The following NMNAT3 variants were observed in gnomAD, a reference collection of about 807,000 sequenced individuals.
NMNAT3 encodes nicotinamide nucleotide adenylyltransferase 3, also known as nicotinamide/nicotinic acid mononucleotide adenylyltransferase 3.
Under a neutral mutation model 24.8 loss-of-function variants are expected in NMNAT3, and 21 were observed. The ratio of observed to expected loss-of-function variants is 0.85; its 90% CI spans 0.60 to 1.22. The LOEUF (loss-of-function observed/expected upper bound fraction) is 1.22, where lower values mean the gene tolerates loss of function less well. Among genes scored for constraint, NMNAT3 ranks in the 50% most tolerant of loss-of-function variants. The pLI is 0.00. For missense variants in NMNAT3, 387 were observed against 436.6 expected (o/e 0.89, Z 1.01); for synonymous variants, 136 against 155.2 (o/e 0.88, Z 0.92).
intron 3 of NMNAT3, among the ~76,000 whole-genome samples, chr3:139,622,848 T>TATTA (rs374982919): frequency 4.4e-4 from 60 of 136,366 alleles, no homozygotes; most frequent in Non-Finnish European, 2.5e-4. Flanking sequence ...ATTATATATA[T>TATTA]TATATATATA....
chr3:139,564,469 C>T (rs1936875114), intron 6 of NMNAT3, among the ~76,000 whole-genome samples: 1 of 152,196 alleles, frequency 6.6e-6, no homozygotes, highest in Admixed American at 6.5e-5. Flanking sequence ...TTCCATCAGC[C>T]ATGGGTGGGC....
chr3:139,578,127 A>G (rs1381895150), intron 5 of NMNAT3, among the ~76,000 whole-genome samples: 2 of 152,190 alleles, frequency 1.3e-5, no homozygotes, highest in African/African-American at 4.8e-5. Flanking sequence ...CCCAACAGCC[A>G]GGAGAGGTGG....
At chr3:139,588,836 CAGA>C (rs1183915537) in intron 3 of NMNAT3, among the ~76,000 whole-genome samples, 8 of 152,162 alleles carry the variant, frequency 5.3e-5, no homozygotes, top group Non-Finnish European at 1.0e-4. Context: ...ATCTTTAAGA[CAGA>C]AGGATTAAGT....
intron 1 of NMNAT3, among the ~76,000 whole-genome samples, chr3:139,677,386 A>T (rs959299412): frequency 6.6e-6 from 1 of 152,184 alleles, no homozygotes; most frequent in African/African-American, 2.4e-5. Context: ...TTTGTTAGAC[A>T]CTGTGCTTAT....
chr3:139,560,671 T>C lies in NMNAT3; in HGVS notation c.*339A>G, dbSNP rs1936267119. ...ATCTGACCCTCAGGGGCCGCTGCCATGCTCAGAACTGCATTCAGCGTGCAT... is the reference window on the plus strand; with the variant it reads ...ATCTGACCCTCAGGGGCCGCTGCCACGCTCAGAACTGCATTCAGCGTGCAT... On this transcript the variant is annotated 3_prime_UTR_variant, in exon 7 of 7. Coordinates refer to ENST00000643695, the MANE Select transcript of NMNAT3 (RefSeq NM_001320510.2). 4.3e-6 allele frequency: 1 copy of C among 230,824 alleles called. No homozygotes were observed. The highest frequency in any genetic ancestry group is 8.5e-6 in the Non-Finnish European group (1 of 117,932). 14.3% of individuals were successfully genotyped at this position (230,824 alleles called of 1,614,324 possible).
intron 3 of NMNAT3, among the ~76,000 whole-genome samples, chr3:139,616,080 C>T (rs1429301012): frequency 6.6e-6 from 1 of 152,156 alleles, no homozygotes; most frequent in East Asian, 1.9e-4. Context: ...CCTAGTCTCT[C>T]CTGAATGCAT....
intron 6 of NMNAT3, chr3:139,569,744 A>G (rs980513735): frequency 3.9e-5 from 6 of 152,226 alleles, no homozygotes; most frequent in Non-Finnish European, 8.8e-5. Flanking sequence ...CTTTGAGGGT[A>G]ACCCGACCTT....
chr3:139,625,260 G>A (rs1490544552), intron 3 of NMNAT3, among the ~76,000 whole-genome samples: 1 of 152,118 alleles, frequency 6.6e-6, no homozygotes, highest in Non-Finnish European at 1.5e-5. Context: ...TTATAGTTGG[G>A]TCTTGCTTAT....
intron 3 of NMNAT3, among the ~76,000 whole-genome samples, chr3:139,597,584 A>G (rs112573869): frequency 7.8e-4 from 118 of 152,210 alleles, no homozygotes; most frequent in African/African-American, 2.8e-3. Context: ...TCCTTATTCA[A>G]TTTTCTTTGT....
At chr3:139,622,848 TTATATATATA>T (rs61508216) in intron 3 of NMNAT3, among the ~76,000 whole-genome samples, 2 of 136,368 alleles carry the variant, frequency 1.5e-5, no homozygotes, top group Non-Finnish European at 3.1e-5. Flanking sequence ...ATTATATATA[TTATATATATA>T]TATATATAAA....
intron 6 of NMNAT3, among the ~76,000 whole-genome samples, chr3:139,562,102 A>G (rs753968516): frequency 1.3e-5 from 2 of 151,810 alleles, no homozygotes; most frequent in Admixed American, 1.3e-4. Context: ...CTTTATGTGT[A>G]TAATACCATA....
intron 1 of NMNAT3, among the ~76,000 whole-genome samples, chr3:139,645,363 G>A (rs916171249): frequency 6.6e-6 from 1 of 152,122 alleles, no homozygotes; most frequent in African/African-American, 2.4e-5. Flanking sequence ...TAACAAATGT[G>A]GGGGAAAATA....
chr3:139,607,027 G>C (rs1380846216), intron 3 of NMNAT3, among the ~76,000 whole-genome samples: 1 of 152,130 alleles, frequency 6.6e-6, no homozygotes, highest in East Asian at 1.9e-4. Context: ...AAGGAGCCCT[G>C]GTTTCTTTTA....
chr3:139,646,351 T>C (rs894576235), intron 1 of NMNAT3, among the ~76,000 whole-genome samples: 2 of 152,260 alleles, frequency 1.3e-5, no homozygotes, highest in South Asian at 4.1e-4. Context: ...TTCTTTCAAT[T>C]GATTTGTTAT....
intron 1 of NMNAT3, among the ~76,000 whole-genome samples, chr3:139,640,300 C>T (rs956972956): frequency 1.3e-5 from 2 of 152,162 alleles, no homozygotes; most frequent in African/African-American, 4.8e-5. Context: ...CTCAGGAGAT[C>T]AGCCAGGCTG....
At chr3:139,665,083 T>C (rs2057533599) in intron 1 of NMNAT3, among the ~76,000 whole-genome samples, 1 of 152,190 alleles carries the variant, frequency 6.6e-6, no homozygotes, top group South Asian at 2.1e-4. Flanking sequence ...GCTGGTGCTA[T>C]TTTTGAACAG....
chr3:139,582,666 A>T (rs1277148908), intron 4 of NMNAT3, among the ~76,000 whole-genome samples: 3 of 143,134 alleles, frequency 2.1e-5, no homozygotes, highest in Non-Finnish European at 4.6e-5. Flanking sequence ...AAAAAAAAAG[A>T]AAAGAAAATG....
At chr3:139,603,493 C>T (rs182552225) in intron 3 of NMNAT3, among the ~76,000 whole-genome samples, 27 of 152,022 alleles carry the variant, frequency 1.8e-4, no homozygotes, top group Admixed American at 2.6e-4. Flanking sequence ...ACCTAAATTA[C>T]GGAAATCACA....
intron 3 of NMNAT3, among the ~76,000 whole-genome samples, chr3:139,627,003 A>T (rs1239602491): frequency 6.6e-6 from 1 of 152,218 alleles, no homozygotes; most frequent in African/African-American, 2.4e-5. Context: ...TATTCTTTAG[A>T]AACAATCATG....
Sources: gnomAD v4.1 joint callset for allele counts (sites outside exome capture counted in the v4.1 genomes callset) on GRCh38, gnomAD v4.1.1 for gene constraint, MANE v1.5 for transcripts, NCBI Gene and HGNC (gene_info 2026-07-23, HGNC 2026-07-21) for gene names.